GYG1: variants seen among roughly 807,000 people sequenced by gnomAD.
GYG1 encodes glycogenin-1.
Under a neutral mutation model 41.9 loss-of-function variants are expected in GYG1, and 44 were observed. The observed-to-expected ratio is 1.05, with a 90% CI of 0.83 to 1.35. GYG1 has a LOEUF of 1.35. Ranked by LOEUF, GYG1 falls within the 40% of genes most tolerant of loss-of-function variation. GYG1 has a pLI of 0.00. For synonymous variants in GYG1, 141 were observed against 158.1 expected (o/e 0.89, Z 0.81); for missense variants, 429 against 418.9 (o/e 1.02, Z -0.21).
intron 5 of GYG1, among the ~76,000 whole-genome samples, chr3:149,016,522 T>A (rs1455259489): frequency 6.6e-6 from 1 of 152,172 alleles, no homozygotes; most frequent in East Asian, 1.9e-4. Flanking sequence ...ATAATGTTGT[T>A]GACTAGGTCC....
In GYG1 at chr3:149,010,933, G is replaced by A. The variant is rs539227654; in HGVS notation, c.608+1531G>A. ...GTCCTCTCCGTAAGTCTTACACCAC[G>A]GTAATAAGCATGTCTGGCTTTTTGT... On this transcript the variant is annotated intron_variant, in intron 5 of 7. Transcript: ENST00000345003. Among the ~76,000 whole-genome samples the A allele has an allele frequency of 2.1e-4, 32 of 152,246 alleles. No homozygotes were observed. In the South Asian group the frequency reaches 5.4e-3, roughly 26 times the overall value.
rs2107915893 is a variant in GYG1 at position 149,019,129 on chromosome 3, CATTCCTTACTGGACA to C, written c.609-4923_609-4909del. On this transcript the variant is annotated intron_variant, in intron 5 of 7. Coordinates refer to ENST00000345003, the MANE Select transcript of GYG1 (RefSeq NM_004130.4). The stretch of plus-strand genomic sequence containing the variant: ...TACCTAATGCATCTAAAAGCATTTC[CATTCCTTACTGGACA>C]GAAACAGGGCTGAGCATACCTATGA... Among the ~76,000 whole-genome samples, 3 of 151,606 alleles carry C rather than the reference CATTCCTTACTGGACA, an allele frequency of 2.0e-5. No individual in the cohort carries two copies. In the South Asian group the frequency reaches 6.3e-4, roughly 32 times the overall value.
chr3:149,019,239 T>G (rs1714233370), intron 5 of GYG1, among the ~76,000 whole-genome samples: 1 of 152,228 alleles, frequency 6.6e-6, no homozygotes, highest in African/African-American at 2.4e-5. Context: ...TGCTTCTCTG[T>G]GCCTTCACAC....
intron 6 of GYG1, among the ~76,000 whole-genome samples, chr3:149,026,125 A>T (rs753206197): frequency 6.6e-6 from 1 of 152,244 alleles, no homozygotes; most frequent in East Asian, 1.9e-4. Flanking sequence ...AACCAAGGAA[A>T]GGTGAAGATG....
chr3:149,004,928 G>A (rs898414456), intron 4 of GYG1, among the ~76,000 whole-genome samples: 2 of 152,208 alleles, frequency 1.3e-5, no homozygotes, highest in Non-Finnish European at 2.9e-5. Flanking sequence ...AAGGCAGCCA[G>A]CCAGGGACTT....
chr3:149,026,108 A>T (rs760976600), intron 6 of GYG1, among the ~76,000 whole-genome samples: 4 of 152,242 alleles, frequency 2.6e-5, no homozygotes, highest in Non-Finnish European at 5.9e-5. Flanking sequence ...GTATATACGT[A>T]ATTATGAACC....
chr3:148,991,829 C>A (rs960691591), intron 1 of GYG1, among the ~76,000 whole-genome samples, 182 bp downstream of exon 1: 2 of 152,254 alleles, frequency 1.3e-5, no homozygotes, highest in Non-Finnish European at 1.5e-5. Flanking sequence ...CCGCCGCCCC[C>A]CAGAGTGCAG....
chr3:149,006,832 T>C (rs1713430556), intron 4 of GYG1, among the ~76,000 whole-genome samples: 1 of 152,256 alleles, frequency 6.6e-6, no homozygotes, highest in Admixed American at 6.5e-5. Flanking sequence ...TGGGTATCTT[T>C]GTAGAATCCA....
chr3:149,010,547 G>A (rs1345461034), intron 5 of GYG1, among the ~76,000 whole-genome samples: 1 of 152,036 alleles, frequency 6.6e-6, no homozygotes, highest in East Asian at 1.9e-4. Flanking sequence ...GGCTGGCCTT[G>A]AACTCCTGAC....
Position 149,024,810 on chromosome 3 carries a change from A to G in GYG1, c.828+538A>G, listed in dbSNP as rs375676264. On this transcript the variant is annotated intron_variant, in intron 6 of 7. Coordinates refer to ENST00000345003, the MANE Select transcript of GYG1 (RefSeq NM_004130.4). ...CTTTGTAGGAGGCAGATGACATGTTAACATTTATAACAACCCTCTTTAGCA... is the reference window on the plus strand; with the variant it reads ...CTTTGTAGGAGGCAGATGACATGTTGACATTTATAACAACCCTCTTTAGCA... Among the ~76,000 whole-genome samples the G allele has an allele frequency of 3.9e-5, 6 of 152,336 alleles. No homozygotes were observed. The East Asian group carries it at 9.6e-4, about 24-fold the overall frequency.
intron 4 of GYG1, among the ~76,000 whole-genome samples, chr3:149,000,421 G>A (rs1279614539): frequency 6.6e-6 from 1 of 152,206 alleles, no homozygotes; most frequent in Non-Finnish European, 1.5e-5. Context: ...ACAAGATAAG[G>A]TTAGCTTCTG....
At chr3:149,008,689 C>G (rs1268141324) in intron 4 of GYG1, among the ~76,000 whole-genome samples, 1 of 152,240 alleles carries the variant, frequency 6.6e-6, no homozygotes, top group Non-Finnish European at 1.5e-5. Context: ...GTGTCTCCCA[C>G]CTGACCCTTG....
intron 5 of GYG1, among the ~76,000 whole-genome samples, chr3:149,016,123 T>C (rs369614545): frequency 6.6e-5 from 10 of 151,434 alleles, no homozygotes; most frequent in African/African-American, 2.4e-4. Flanking sequence ...TAGCTGGGTG[T>C]GGTGGCGGGC....
intron 5 of GYG1, among the ~76,000 whole-genome samples, chr3:149,011,719 GT>G (rs1249649905): frequency 6.6e-6 from 1 of 152,184 alleles, no homozygotes; most frequent in African/African-American, 2.4e-5. Context: ...CAAAAAACCA[GT>G]TAGAGATCTA....
rs1199569069 is a variant in GYG1, at chr3:149,027,995, G to C, written c.*1062G>C. On this transcript the variant is annotated 3_prime_UTR_variant, in exon 8 of 8. Coordinates refer to ENST00000345003, the MANE Select transcript of GYG1 (RefSeq NM_004130.4). ...ATTTTATCTATGATTTAAAATGATA[G>C]AATGGAAAAGCGTATTTATTAAATT... Among the ~76,000 whole-genome samples, 1 of 152,174 alleles carries C rather than the reference G, an allele frequency of 6.6e-6. No homozygotes were observed. The highest frequency in any genetic ancestry group is 1.5e-5 in the Non-Finnish European group (1 of 68,028).
intron 5 of GYG1, among the ~76,000 whole-genome samples, chr3:149,022,498 C>CTTTTTTTTTTTTTTTTTCTTTTTTTTT (rs1714425359): frequency 2.9e-5 from 2 of 69,588 alleles, no homozygotes; most frequent in Non-Finnish European, 5.2e-5. Flanking sequence ...CTTGTTTTGC[C>CTTTTTTTTTTTTTTTTTCTTTTTTTTT]TTTTTTTTTT....
chr3:149,001,514 A>G (rs1185010619), intron 4 of GYG1: 4 of 152,236 alleles, frequency 2.6e-5, no homozygotes, highest in African/African-American at 9.6e-5. Context: ...GGAGGAAGGG[A>G]CTAATGTGTT....
rs1386118971 is a variant in GYG1, at chr3:149,028,513, CAG to C, written c.*1583_*1584del. Among the ~76,000 whole-genome samples the C allele has an allele frequency of 6.6e-6, 1 of 152,062 alleles. No homozygotes were observed. The highest frequency in any genetic ancestry group is 1.5e-5 in the Non-Finnish European group (1 of 68,010). On this transcript the variant is annotated 3_prime_UTR_variant, in exon 8 of 8. Coordinates refer to ENST00000345003, the MANE Select transcript of GYG1 (RefSeq NM_004130.4). ...AGGACTTCTCAAAATTTTAGCTAGT[CAG>C]AGGTCTTTCTGGCTTCCGAGTCCCT...
chr3:149,011,053 A>G (rs1220594389), intron 5 of GYG1, among the ~76,000 whole-genome samples: 2 of 152,070 alleles, frequency 1.3e-5, no homozygotes, highest in Non-Finnish European at 2.9e-5. Context: ...TTCCTCCCTA[A>G]CTGTTCCCTT....
Sources: gnomAD v4.1 joint callset for allele counts (sites outside exome capture counted in the v4.1 genomes callset) on GRCh38, gnomAD v4.1.1 for gene constraint, MANE v1.5 for transcripts, NCBI Gene and HGNC (gene_info 2026-07-23, HGNC 2026-07-21) for gene names.